Variants in SYNDIG1 observed in about 807,000 individuals in gnomAD.
SYNDIG1 encodes the protein synapse differentiation-inducing gene protein 1.
A neutral mutation model predicts 19.4 loss-of-function variants in SYNDIG1; 9 were observed. That is an observed-to-expected ratio of 0.46 (90% CI 0.28 to 0.81). SYNDIG1 has a LOEUF of 0.81. Among genes scored for constraint, SYNDIG1 ranks in the 30% least tolerant of loss-of-function variants. The pLI is 0.12. For missense variants in SYNDIG1, 311 were observed against 343.3 expected (o/e 0.91, Z 0.74); for synonymous variants, 141 against 145.9 (o/e 0.97, Z 0.24).
intron 3 of SYNDIG1, chr20:24,596,921 C>T (rs970206312): frequency 7.9e-5 from 12 of 152,240 alleles, no homozygotes; most frequent in African/African-American, 2.7e-4. Flanking sequence ...ACTGGTCACA[C>T]AGCATCCTCC....
At chr20:24,474,767 T>C (rs2055568608) in intron 1 of SYNDIG1, among the ~76,000 whole-genome samples, 1 of 152,242 alleles carries the variant, frequency 6.6e-6, no homozygotes, top group Non-Finnish European at 1.5e-5. Context: ...TTCTTAGGTC[T>C]CCAACAAGTT....
intron 1 of SYNDIG1, 118 bp downstream of exon 1, chr20:24,469,871 C>T (rs2055366017): frequency 6.6e-6 from 1 of 152,028 alleles, no homozygotes; most frequent in African/African-American, 2.4e-5. Context: ...GGCGGGTGTC[C>T]TAGTCCTGGC....
intron 2 of SYNDIG1, among the ~76,000 whole-genome samples, chr20:24,543,786 C>T (rs970837015): frequency 2.0e-5 from 3 of 152,112 alleles, no homozygotes; most frequent in Non-Finnish European, 2.9e-5. Context: ...AACCCAGGGG[C>T]GCTTCACCGG....
At chr20:24,535,581 G>A (rs1449537303) in intron 1 of SYNDIG1, among the ~76,000 whole-genome samples, 3 of 152,112 alleles carry the variant, frequency 2.0e-5, no homozygotes, top group African/African-American at 7.2e-5. Context: ...ATAGTAAACT[G>A]TGTGCACATT....
chr20:24,547,984 T>C (rs1453641910), intron 2 of SYNDIG1, among the ~76,000 whole-genome samples: 2 of 151,948 alleles, frequency 1.3e-5, no homozygotes, highest in Non-Finnish European at 2.9e-5. Context: ...CTAGAAGCGG[T>C]GCCCATGGGG....
rs536356131 is a variant in SYNDIG1 at position 24,535,509 on chromosome 20, A to G, written c.-78-7511A>G. 5.3e-5 allele frequency among the ~76,000 whole-genome samples: 8 copies of G among 152,352 alleles called. No individual in the cohort carries two copies. The South Asian group carries it at 1.7e-3, about 32-fold the overall frequency. On this transcript the variant is annotated intron_variant, in intron 1 of 3. Coordinates refer to ENST00000376862, the MANE Select transcript of SYNDIG1 (RefSeq NM_024893.3). ...TCAACCTTAATCATAAACAGAGAGA[A>G]GCTCTCTAAAAGAAAAGATGTTTAT... is the stretch of plus-strand genomic sequence containing the variant.
At chr20:24,663,804 G>C (rs1379486601) in intron 3 of SYNDIG1, among the ~76,000 whole-genome samples, 1 of 152,168 alleles carries the variant, frequency 6.6e-6, no homozygotes, top group Non-Finnish European at 1.5e-5. Context: ...TGGCACTAAG[G>C]CTGGTGATCA....
chr20:24,582,459 C>T (rs1163364493), intron 2 of SYNDIG1, among the ~76,000 whole-genome samples: 1 of 143,800 alleles, frequency 7.0e-6, no homozygotes, highest in Non-Finnish European at 1.5e-5. Flanking sequence ...CATCCTTCCC[C>T]CTGCACGTGC....
intron 1 of SYNDIG1, among the ~76,000 whole-genome samples, chr20:24,512,819 G>A (rs1352152370): frequency 1.3e-5 from 2 of 152,232 alleles, no homozygotes; most frequent in African/African-American, 4.8e-5. Flanking sequence ...AGAACAGACA[G>A]ACTGCCTCCT....
chr20:24,495,367 C>T (rs1268016403), intron 1 of SYNDIG1: 1 of 152,404 alleles, frequency 6.6e-6, no homozygotes. Flanking sequence ...GCACATGACA[C>T]TTATCCAAGG....
At chr20:24,493,362 G>T (rs112843284) in intron 1 of SYNDIG1, among the ~76,000 whole-genome samples, 2,211 of 152,028 alleles carry the variant, frequency 0.015, 64 homozygotes, top group African/African-American at 0.05. Flanking sequence ...ATGGAAACAC[G>T]CATGCACACA....
At chr20:24,479,943 T>C (rs1200656946) in intron 1 of SYNDIG1, among the ~76,000 whole-genome samples, 1 of 152,200 alleles carries the variant, frequency 6.6e-6, no homozygotes, top group Non-Finnish European at 1.5e-5. Context: ...TGCCCTGCCA[T>C]GCACAGGTAC....
intron 3 of SYNDIG1, among the ~76,000 whole-genome samples, chr20:24,589,849 A>G (rs1309242717): frequency 6.6e-6 from 1 of 152,236 alleles, no homozygotes; most frequent in Non-Finnish European, 1.5e-5. Context: ...GAATCTTTTT[A>G]TGGTACTGAA....
chr20:24,529,185 C>T (rs1301376886), intron 1 of SYNDIG1, among the ~76,000 whole-genome samples: 1 of 152,226 alleles, frequency 6.6e-6, no homozygotes, highest in Non-Finnish European at 1.5e-5. Context: ...TCTTTGGTCA[C>T]ATGGGAGCCT....
chr20:24,510,236 C>T (rs762163624), intron 1 of SYNDIG1, among the ~76,000 whole-genome samples: 24 of 152,062 alleles, frequency 1.6e-4, no homozygotes, highest in Non-Finnish European at 3.5e-4. Context: ...GTTGAGAAAC[C>T]TACTCTTGGT....
At chr20:24,493,104 T>C (rs2056200975) in intron 1 of SYNDIG1, among the ~76,000 whole-genome samples, 1 of 152,236 alleles carries the variant, frequency 6.6e-6, no homozygotes, top group Non-Finnish European at 1.5e-5. Flanking sequence ...CATAAGTCAT[T>C]CTCTTTCCTG....
At chr20:24,494,542 G>A (rs2056246603) in intron 1 of SYNDIG1, among the ~76,000 whole-genome samples, 1 of 152,192 alleles carries the variant, frequency 6.6e-6, no homozygotes, top group Non-Finnish European at 1.5e-5. Context: ...ATTCCTGGGG[G>A]ACTGGTGCCA....
At chr20:24,526,843 A>G (rs1435460054) in intron 1 of SYNDIG1, among the ~76,000 whole-genome samples, 4 of 152,202 alleles carry the variant, frequency 2.6e-5, no homozygotes, top group African/African-American at 9.7e-5. Flanking sequence ...AATATCTCTC[A>G]ATATATTGAA....
At chr20:24,539,880 G>T (rs780229226) in intron 1 of SYNDIG1, among the ~76,000 whole-genome samples, 2 of 152,116 alleles carry the variant, frequency 1.3e-5, no homozygotes, top group African/African-American at 4.8e-5. Context: ...CTGTGTTCAA[G>T]AAATTCTTCT....
Sources: gnomAD v4.1 joint callset for allele counts (sites outside exome capture counted in the v4.1 genomes callset) on GRCh38, gnomAD v4.1.1 for gene constraint, MANE v1.5 for transcripts, NCBI Gene and HGNC (gene_info 2026-07-23, HGNC 2026-07-21) for gene names.